Variants in SOX6 observed in about 807,000 individuals in gnomAD.
SOX6 encodes the protein transcription factor SOX-6.
In SOX6, 11 loss-of-function variants were observed where a neutral mutation model predicts 97.8. That is an observed-to-expected ratio of 0.11 (90% CI 0.07 to 0.19). The LOEUF is 0.19. SOX6 is among the 10% of genes least tolerant of loss of function. The probability of loss-of-function intolerance (pLI) is 1.00; values close to 1 mark genes in which losing one functional copy is unlikely to be tolerated. For missense variants in SOX6, 810 were observed against 1,039.5 expected, an observed-to-expected ratio of 0.78 and a Z score of 3.04; for synonymous variants, 360 against 371.4, an observed-to-expected ratio of 0.97 and a Z score of 0.35.
intron 4 of SOX6, among the ~76,000 whole-genome samples, chr11:16,188,783 G>T (rs374141704): frequency 6.6e-6 from 1 of 152,202 alleles, no homozygotes; most frequent in African/African-American, 2.4e-5. Context: ...GAAGAGATAG[G>T]CTGGGCACGG....
chr11:16,238,058 T>G lies in SOX6; in HGVS notation c.446-3387A>C, dbSNP rs184642187. Among the ~76,000 whole-genome samples the G allele has an allele frequency of 1.2e-3, 175 of 152,078 alleles. 1 individual carries two copies. The highest frequency in any genetic ancestry group is 2.1e-4 in the Non-Finnish European group (14 of 67,894). On this transcript the variant is annotated intron_variant, in intron 3 of 15. Coordinates refer to ENST00000683767, the MANE Select transcript of SOX6 (RefSeq NM_001367873.1). Reference sequence around the variant, plus strand: ...AGAAAATGCCAAAATTAATTCCTCTTACTTTGAAAGAATCTGTTTCCATTA... The same window carrying G: ...AGAAAATGCCAAAATTAATTCCTCTGACTTTGAAAGAATCTGTTTCCATTA...
chr11:16,413,910 C>A (rs532450032), intron 1 of SOX6, among the ~76,000 whole-genome samples: 1 of 152,206 alleles, frequency 6.6e-6, no homozygotes, highest in Non-Finnish European at 1.5e-5. Context: ...CCAATTCTTT[C>A]CTGAAAGGAG....
At chr11:16,302,602 G>T (rs1855296031) in intron 3 of SOX6, among the ~76,000 whole-genome samples, 1 of 113,760 alleles carries the variant, frequency 8.8e-6, no homozygotes, top group Admixed American at 1.4e-4. Context: ...AGGCAGTCTC[G>T]CTCTGTCACC....
chr11:16,645,441 G>T (rs1371446578), intron 3 of SOX6, among the ~76,000 whole-genome samples: 1 of 152,076 alleles, frequency 6.6e-6, no homozygotes, highest in Non-Finnish European at 1.5e-5. Flanking sequence ...AGTGTTATGG[G>T]TTGAATTGTT....
At chr11:16,425,511 A>T (rs183206496) in intron 1 of SOX6, among the ~76,000 whole-genome samples, 53 of 152,348 alleles carry the variant, frequency 3.5e-4, no homozygotes, top group African/African-American at 1.2e-3. Context: ...AAATAGGAAG[A>T]GAGGAAGTCA....
At chr11:16,372,984 T>C (rs985418788) in intron 1 of SOX6, among the ~76,000 whole-genome samples, 4 of 152,142 alleles carry the variant, frequency 2.6e-5, no homozygotes, top group Admixed American at 6.6e-5. Flanking sequence ...TGCTCATACA[T>C]ATGATATAAC....
intron 1 of SOX6, among the ~76,000 whole-genome samples, chr11:16,364,528 T>C (rs1370254735): frequency 6.6e-6 from 1 of 152,132 alleles, no homozygotes; most frequent in Non-Finnish European, 1.5e-5. Flanking sequence ...TTATAAGTTA[T>C]TTGACATTGG....
At chr11:15,995,879 C>A (rs964613185) in intron 13 of SOX6, among the ~76,000 whole-genome samples, 1 of 152,168 alleles carries the variant, frequency 6.6e-6, no homozygotes, top group African/African-American at 2.4e-5. Flanking sequence ...TGAACATATG[C>A]TTCAAAAATG....
intron 2 of SOX6, among the ~76,000 whole-genome samples, chr11:16,722,794 T>C (rs1438258452): frequency 6.6e-6 from 1 of 152,090 alleles, no homozygotes; most frequent in African/African-American, 2.4e-5. Flanking sequence ...CTCACACCAG[T>C]CAAAATGGCT....
chr11:16,132,402 A>G (rs868196466), intron 6 of SOX6, among the ~76,000 whole-genome samples: 659 of 33,028 alleles, frequency 0.02, 9 homozygotes, highest in African/African-American at 0.024. Flanking sequence ...AAGAAAGAAA[A>G]AAGAAAGAAA....
chr11:15,997,741 C>T (rs1854269651), intron 13 of SOX6, among the ~76,000 whole-genome samples: 1 of 152,146 alleles, frequency 6.6e-6, no homozygotes, highest in South Asian at 2.1e-4. Context: ...TAGTGAACTA[C>T]CGAATGCTTT....
chr11:16,498,875 C>G (rs1860654805), intron 4 of SOX6, among the ~76,000 whole-genome samples: 1 of 152,112 alleles, frequency 6.6e-6, no homozygotes, highest in Non-Finnish European at 1.5e-5. Flanking sequence ...TTTTAACACC[C>G]CACTGTCAAC....
At chr11:15,978,192 C>T (rs996416614) in intron 15 of SOX6, among the ~76,000 whole-genome samples, 4 of 152,110 alleles carry the variant, frequency 2.6e-5, no homozygotes, top group Admixed American at 2.0e-4. Flanking sequence ...CGGCACATCT[C>T]CCCCTCCAGC....
intron 4 of SOX6, among the ~76,000 whole-genome samples, chr11:16,523,253 G>A (rs1861101319): frequency 6.6e-6 from 1 of 152,014 alleles, no homozygotes; most frequent in African/African-American, 2.4e-5. Context: ...CTCAGCAAAT[G>A]TAAAAGAACA....
chr11:16,431,998 T>C (rs570918212), intron 1 of SOX6, among the ~76,000 whole-genome samples: 1 of 152,244 alleles, frequency 6.6e-6, no homozygotes, highest in East Asian at 1.9e-4. Flanking sequence ...AAAGATATGG[T>C]ATTGTTTGGG....
chr11:16,207,592 T>G (rs1246669157), intron 4 of SOX6, among the ~76,000 whole-genome samples: 1 of 102,824 alleles, frequency 9.7e-6, no homozygotes, highest in South Asian at 4.0e-4. Context: ...AGACTCCATC[T>G]CAAAAAAAAA....
At chr11:16,379,438 C>G (rs1857742367) in intron 1 of SOX6, among the ~76,000 whole-genome samples, 2 of 151,698 alleles carry the variant, frequency 1.3e-5, no homozygotes, top group African/African-American at 4.8e-5. Flanking sequence ...TGCACTCCAG[C>G]CTGAGCAACA....
At chr11:16,178,756 G>A (rs1451207510) in intron 6 of SOX6, among the ~76,000 whole-genome samples, 1 of 151,886 alleles carries the variant, frequency 6.6e-6, no homozygotes, top group East Asian at 1.9e-4. Flanking sequence ...ACGACTATTT[G>A]CCAGAGCCAA....
chr11:16,676,578 T>C (rs1455957389), intron 3 of SOX6, among the ~76,000 whole-genome samples: 3 of 152,256 alleles, frequency 2.0e-5, no homozygotes, highest in Non-Finnish European at 4.4e-5. Context: ...TGTAGTTGTT[T>C]TGTTTAGTTA....
Sources: gnomAD v4.1 joint callset for allele counts (sites outside exome capture counted in the v4.1 genomes callset) on GRCh38, gnomAD v4.1.1 for gene constraint, MANE v1.5 for transcripts, NCBI Gene and HGNC (gene_info 2026-07-23, HGNC 2026-07-21) for gene names.